Variants in ACSL5 observed in about 807,000 individuals in gnomAD.
The protein encoded by ACSL5 is long-chain-fatty-acid--CoA ligase 5.
ACSL5 carries 50 observed loss-of-function variants against 84.9 expected under a neutral mutation model. The observed-to-expected ratio is 0.59, with a 90% CI of 0.47 to 0.75. The LOEUF (loss-of-function observed/expected upper bound fraction) is 0.75, where lower values mean the gene tolerates loss of function less well. Among genes scored for constraint, ACSL5 ranks in the 30% least tolerant of loss-of-function variants. The pLI, the probability that ACSL5 is intolerant of heterozygous loss-of-function variation, is 0.00. For missense variants in ACSL5, 775 were observed against 830.4 expected (o/e 0.93, Z 0.82); for synonymous variants, 280 against 300.7 (o/e 0.93, Z 0.71).
Position 112,408,428 on chromosome 10 carries a change from A to G in ACSL5, c.439A>G (p.Ile147Val). The G allele has an allele frequency of 6.2e-7, 1 of 1,608,984 alleles. No individual in the cohort carries two copies. Among genetic ancestry groups the G allele is most frequent in the Admixed American group, 1.7e-5 (1 of 59,996 alleles). The change falls in exon 6 of 21, where the codon ATC becomes GTC. Residue 147 changes from isoleucine to valine, a missense_variant. By Grantham distance (29) the Ile-to-Val change is conservative (BLOSUM62 3). Coordinates refer to ENST00000354655, the MANE Select transcript of ACSL5 (RefSeq NM_203379.2). ...TGAACTTCTCTCTGTACAGTGGATC[A>G]TCTCCGAATTGGCTTGTTACACGTA... Reference protein sequence around the residue: ...IFAQNRPEWIISELACYTYSM... With the variant: ...IFAQNRPEWIVSELACYTYSM...
At chr10:112,412,848 A>G (rs1403125910) in intron 11 of ACSL5, among the ~76,000 whole-genome samples, 2 of 152,046 alleles carry the variant, frequency 1.3e-5, no homozygotes, top group Non-Finnish European at 2.9e-5. Context: ...CTTACAAAGG[A>G]TGATTATCTT....
intron 1 of ACSL5, among the ~76,000 whole-genome samples, chr10:112,384,201 A>G (rs1320263695): frequency 1.3e-5 from 2 of 152,002 alleles, no homozygotes; most frequent in Non-Finnish European, 2.9e-5. Context: ...AAAAAACAAA[A>G]AACAAAAATC....
chr10:112,415,635 A>C (rs1349648924), intron 12 of ACSL5, among the ~76,000 whole-genome samples: 1 of 152,210 alleles, frequency 6.6e-6, no homozygotes, highest in Non-Finnish European at 1.5e-5. Context: ...TGGTACAATG[A>C]TAATGTTATA....
rs761810520 is a variant in ACSL5, at chr10:112,411,465, A to T, written c.806A>T (p.Lys269Ile). 1.9e-6 allele frequency: 3 copies of T among 1,613,184 alleles called. No homozygotes were observed. Among genetic ancestry groups the T allele is most frequent in the Non-Finnish European group, 2.5e-6 (3 of 1,179,114 alleles). The stretch of plus-strand genomic sequence containing the variant: ...CTCTTATTTCCTACAGGTGACCCCA[A>T]AGGAGCCATGATAACCCATCAAAAT... ...CFTSGTTGDP[K>I]GAMITHQNIV... Residue 269 changes from lysine to isoleucine, a missense_variant, in exon 10 of 21, where the codon AAA becomes ATA. By Grantham distance (102) the Lys-to-Ile change is moderately radical. Coordinates refer to ENST00000354655, the MANE Select transcript of ACSL5 (RefSeq NM_203379.2).
At chr10:112,415,942 G>T (rs1027280511) in intron 12 of ACSL5, among the ~76,000 whole-genome samples, 2 of 152,158 alleles carry the variant, frequency 1.3e-5, no homozygotes, top group Non-Finnish European at 2.9e-5. Flanking sequence ...GGAATGTAGG[G>T]TCACAGTGAG....
intron 17 of ACSL5, among the ~76,000 whole-genome samples, chr10:112,423,782 T>G (rs1298093144): frequency 6.6e-6 from 1 of 152,062 alleles, no homozygotes; most frequent in African/African-American, 2.4e-5. Context: ...GGAAGGGAGA[T>G]GTACTACTCT....
intron 18 of ACSL5, 81 bp from the exon 19 acceptor site, chr10:112,426,177 A>ATTT: frequency 9.1e-7 from 1 of 1,094,312 alleles, no homozygotes; most frequent in Non-Finnish European, 1.4e-6. Flanking sequence ...ACAATGACAT[A>ATTT]ATTCTGCTTT....
At position 112,416,965 on chromosome 10, in the gene ACSL5, A is replaced by G. The variant is rs138825296; in HGVS notation, c.1161A>G (p.Gln387=). 5 of 1,614,130 alleles carry G rather than the reference A, an allele frequency of 3.1e-6. No homozygotes were observed. The African/African-American group carries it at 4.0e-5, about 13-fold the overall frequency. Residue 387 remains glutamine, a synonymous_variant, in exon 13 of 21, where the codon CAA becomes CAG. Transcript: ENST00000354655. ...TTTCCAGTAAATTCAAAGAGCTTCA[A>G]AAGGGTATCATCAGGCATGATAGTT... ...LAVSSKFKEL[Q]KGIIRHDSFW...
chr10:112,376,316 G>A (rs199838168), intron 1 of ACSL5: 22 of 1,614,004 alleles, frequency 1.4e-5, no homozygotes, highest in Middle Eastern at 1.6e-4. Context: ...CTGCATGGAC[G>A]CTCTGAAGCC....
At chr10:112,405,816 A>G (rs979112608) in intron 5 of ACSL5, among the ~76,000 whole-genome samples, 2 of 152,200 alleles carry the variant, frequency 1.3e-5, no homozygotes, top group African/African-American at 4.8e-5. Context: ...CTTTCTTACA[A>G]TATAGTAAGC....
In ACSL5 at chr10:112,426,271, G is replaced by A. The variant is rs909452609; in HGVS notation, c.1751G>A (p.Gly584Glu). Residue 584 changes from glycine (G) to glutamate (E), a missense_variant, in exon 19 of 21, where the codon GGA becomes GAA. Gly to Glu is a moderately conservative substitution (Grantham distance 98). Coordinates refer to ENST00000354655, the MANE Select transcript of ACSL5 (RefSeq NM_203379.2). ...TCCTTTCCATAGTCATCCTTAGTAG[G>A]AGTGGTGGTTCCTGACACAGATGTA... is the stretch of plus-strand genomic sequence containing the variant. Reference protein sequence around the residue: ...HGESLRSSLVGVVVPDTDVLP... With the variant: ...HGESLRSSLVEVVVPDTDVLP... 1 of 1,614,018 alleles carries A rather than the reference G, an allele frequency of 6.2e-7. No homozygotes were observed. The highest frequency in any genetic ancestry group is 2.2e-5 in the East Asian group (1 of 44,890).
intron 1 of ACSL5, 44 bp from the exon 2 acceptor site, chr10:112,394,874 T>TG (rs1460207673): frequency 6.2e-7 from 1 of 1,600,864 alleles, no homozygotes; most frequent in African/African-American, 1.3e-5. Flanking sequence ...TACAAAAATA[T>TG]GGCCATTTCC....
intron 7 of ACSL5, among the ~76,000 whole-genome samples, chr10:112,409,917 T>C (rs572096044): frequency 6.6e-6 from 1 of 152,276 alleles, no homozygotes; most frequent in African/African-American, 2.4e-5. Context: ...AAGTGGATAA[T>C]ATATAAATAG....
chr10:112,409,168 A>G (rs1844119048), intron 6 of ACSL5: 1 of 219,152 alleles, frequency 4.6e-6, no homozygotes, highest in Admixed American at 5.2e-5. Flanking sequence ...TTTTTCTTCT[A>G]TTCCCTACTA....
intron 3 of ACSL5, among the ~76,000 whole-genome samples, chr10:112,400,325 C>T (rs1233939971): frequency 1.3e-5 from 2 of 151,190 alleles, no homozygotes; most frequent in African/African-American, 2.4e-5. Context: ...AAGCAATCCT[C>T]TCACCTCAGC....
intron 20 of ACSL5, 82 bp from the exon 21 acceptor site, chr10:112,427,136 T>TTTC: frequency 7.0e-7 from 1 of 1,434,026 alleles, no homozygotes; most frequent in South Asian, 1.4e-5. Context: ...TCAACCTCAC[T>TTTC]TTCTTCACAG....
chr10:112,410,053 A>AT, intron 7 of ACSL5: 3 of 391,838 alleles, frequency 7.7e-6, no homozygotes, highest in Non-Finnish European at 1.0e-5. Context: ...TAAAATGGTG[A>AT]TAAAAATAAT....
intron 3 of ACSL5, among the ~76,000 whole-genome samples, chr10:112,401,958 T>C (rs1459164301): frequency 6.7e-6 from 1 of 149,990 alleles, no homozygotes; most frequent in African/African-American, 2.5e-5. Flanking sequence ...TCTCTCTCTC[T>C]CTCTCTCTCT....
intron 1 of ACSL5, among the ~76,000 whole-genome samples, chr10:112,382,596 G>T (rs146736434): frequency 6.6e-6 from 1 of 152,304 alleles, no homozygotes; most frequent in African/African-American, 2.4e-5. Flanking sequence ...TCTCTTCTGA[G>T]CTCTGGCTCC....
Sources: allele counts gnomAD v4.1 joint callset (sites outside exome capture counted in the v4.1 genomes callset), GRCh38; gene constraint gnomAD v4.1.1; transcripts MANE v1.5; gene names NCBI Gene and HGNC (gene_info 2026-07-23, HGNC 2026-07-21).